Variants in FAM133A observed in about 807,000 individuals in gnomAD.
FAM133A encodes family with sequence similarity 133 member A, also known as protein FAM133A.
For synonymous variants in FAM133A, 65 were observed against 58.6 expected (o/e 1.11, Z -0.50); for missense variants, 159 against 164.4 (o/e 0.97, Z 0.18).
rs1927253415 is a variant in FAM133A at position 93,709,342 on chromosome X, A to T, written c.-78A>T. ...AATGGAGCTTGCTTGATATTTCACT[A>T]GATAAAGAATTTAAGGCGAGTATCT... On this transcript the variant is annotated 5_prime_UTR_variant, in exon 4 of 4. Coordinates refer to ENST00000683942, the MANE Select transcript of FAM133A (RefSeq NM_001171109.2). The T allele has an allele frequency of 1.3e-5, 14 of 1,056,974 alleles. No homozygotes were observed. The highest frequency in any genetic ancestry group is 1.7e-5 in the Non-Finnish European group (14 of 819,127). The allele number at this position is 1,056,974 out of a possible 1,213,427, so 87.1% of individuals were successfully genotyped here. A position where few individuals can be genotyped will look rare whatever the true frequency, so the allele number is the denominator to read the frequency against.
rs139320292 is a variant in FAM133A, at chrX:93,695,470, C to G, written c.-192-2927C>G. ...GTTTCACCACGTTGGCCAGGCTGGTCTCGAACTCCTGGCCTCAGGTGATCT... is the reference window on the plus strand; with the variant it reads ...GTTTCACCACGTTGGCCAGGCTGGTGTCGAACTCCTGGCCTCAGGTGATCT... On this transcript the variant is annotated intron_variant, in intron 2 of 3. Transcript: ENST00000683942. Among the ~76,000 whole-genome samples, 593 of 108,134 alleles carry G rather than the reference C, an allele frequency of 5.5e-3. 3 individuals are homozygous for G. The highest frequency in any genetic ancestry group is 0.019 in the African/African-American group (573 of 29,750). The allele number at this position is 108,134 out of a possible 115,157, so 93.9% of individuals were successfully genotyped here.
chrX:93,688,372 C>G (rs1257024546), intron 2 of FAM133A, among the ~76,000 whole-genome samples: 1 of 110,727 alleles, frequency 9.0e-6, no homozygotes, highest in Non-Finnish European at 1.9e-5. Flanking sequence ...TTTCACTGGT[C>G]CCCGAATCAC....
chrX:93,696,925 GAAA>G (rs200154302), intron 2 of FAM133A, among the ~76,000 whole-genome samples: 2 of 94,864 alleles, frequency 2.1e-5, no homozygotes, highest in African/African-American at 4.1e-5. Flanking sequence ...GTCTCAAAAA[GAAA>G]AAAAAAAAAA....
intron 2 of FAM133A, among the ~76,000 whole-genome samples, chrX:93,684,009 T>C (rs184651677): frequency 3.5e-4 from 39 of 112,211 alleles, no homozygotes; most frequent in African/African-American, 1.2e-3. Context: ...TAGTTTGATA[T>C]AGTCCCATTT....
At position 93,697,458 on chromosome X, in the gene FAM133A, C is replaced by T. The variant is rs147095748; in HGVS notation, c.-192-939C>T. On this transcript the variant is annotated intron_variant, in intron 2 of 3. Coordinates refer to ENST00000683942, the MANE Select transcript of FAM133A (RefSeq NM_001171109.2). ...TGAGAAATGTTTACAATATTTAACC[C>T]GTTTGAAAATACCAAGAATAAATCC... Among the ~76,000 whole-genome samples the T allele has an allele frequency of 5.5e-3, 608 of 110,347 alleles. 3 individuals are homozygous for T. The highest frequency in any genetic ancestry group is 0.019 in the African/African-American group (586 of 30,465).
At chrX:93,692,171 A>G (rs944161272) in intron 2 of FAM133A, among the ~76,000 whole-genome samples, 2 of 111,814 alleles carry the variant, frequency 1.8e-5, no homozygotes, top group Non-Finnish European at 3.8e-5. Flanking sequence ...CCTAATCAAA[A>G]ATTCAAAATC....
intron 3 of FAM133A, among the ~76,000 whole-genome samples, chrX:93,703,593 T>C (rs779261252): frequency 1.1e-3 from 125 of 112,594 alleles, no homozygotes; most frequent in South Asian, 2.2e-3. Context: ...TATCACTTGA[T>C]TGGCATAAAA....
chrX:93,680,488 G>T (rs886850560), intron 2 of FAM133A, among the ~76,000 whole-genome samples: 1 of 111,003 alleles, frequency 9.0e-6, no homozygotes, highest in African/African-American at 3.3e-5. Flanking sequence ...TCATATGGTA[G>T]TTCCATTCTT....
At chrX:93,699,093 C>A (rs1201415721) in intron 3 of FAM133A, among the ~76,000 whole-genome samples, 4 of 111,097 alleles carry the variant, frequency 3.6e-5, no homozygotes, top group Non-Finnish European at 7.6e-5. Context: ...AAGAAAGAAG[C>A]TACTGAGCTT....
chrX:93,689,699 C>T (rs913470364), intron 2 of FAM133A, among the ~76,000 whole-genome samples: 1 of 109,494 alleles, frequency 9.1e-6, no homozygotes, highest in African/African-American at 3.3e-5. Context: ...TTTAAAGACA[C>T]TACAAGTTTT....
intron 3 of FAM133A, among the ~76,000 whole-genome samples, chrX:93,703,500 G>T (rs1926854880): frequency 9.0e-6 from 1 of 111,485 alleles, no homozygotes; most frequent in African/African-American, 3.3e-5. Context: ...TAGATGCAGG[G>T]GATACAGGAA....
intron 2 of FAM133A, among the ~76,000 whole-genome samples, chrX:93,694,717 T>C (rs183261674): frequency 1.0e-3 from 116 of 111,016 alleles, no homozygotes; most frequent in African/African-American, 3.7e-3. Flanking sequence ...CTAGTCCCTA[T>C]CTCAATGATG....
At chrX:93,689,763 A>G (rs1289016369) in intron 2 of FAM133A, among the ~76,000 whole-genome samples, 1 of 111,620 alleles carries the variant, frequency 9.0e-6, no homozygotes, top group Non-Finnish European at 1.9e-5. Context: ...TTTAGCACCT[A>G]TGCATAAGGA....
chrX:93,681,458 T>C (rs780613865), intron 2 of FAM133A, among the ~76,000 whole-genome samples: 6 of 111,580 alleles, frequency 5.4e-5, no homozygotes, highest in Non-Finnish European at 1.1e-4. Flanking sequence ...AAAAAAGTAG[T>C]TGTTCTCCAT....
intron 2 of FAM133A, among the ~76,000 whole-genome samples, chrX:93,685,319 A>G (rs776052864): frequency 2.4e-4 from 27 of 111,688 alleles, no homozygotes; most frequent in African/African-American, 8.4e-4. Flanking sequence ...ACTTGAGCCA[A>G]TTTCTACAAA....
chrX:93,674,902 T>G (rs939650814), intron 2 of FAM133A, 150 bp downstream of exon 2: 3 of 111,669 alleles, frequency 2.7e-5, no homozygotes, highest in Non-Finnish European at 5.7e-5. Flanking sequence ...CAGAGGTAAT[T>G]TGGCATACTA....
chrX:93,699,720 A>G (rs1926559843), intron 3 of FAM133A, among the ~76,000 whole-genome samples: 1 of 110,566 alleles, frequency 9.0e-6, no homozygotes, highest in Admixed American at 9.7e-5. Context: ...ATAATTTGAA[A>G]GTAAGTTACA....
At chrX:93,699,389 TTCA>T (rs1926535695) in intron 3 of FAM133A, among the ~76,000 whole-genome samples, 1 of 111,196 alleles carries the variant, frequency 9.0e-6, no homozygotes, top group South Asian at 3.8e-4. Flanking sequence ...TATCTGCAGC[TTCA>T]TCATCAATTA....
At chrX:93,705,641 T>C (rs1398540274) in intron 3 of FAM133A, among the ~76,000 whole-genome samples, 1 of 111,208 alleles carries the variant, frequency 9.0e-6, no homozygotes, top group Non-Finnish European at 1.9e-5. Context: ...TACTTCATCT[T>C]TCTCCCTTTT....
Sources: allele counts gnomAD v4.1 joint callset (sites outside exome capture counted in the v4.1 genomes callset), GRCh38; gene constraint gnomAD v4.1.1; transcripts MANE v1.5; gene names NCBI Gene and HGNC (gene_info 2026-07-23, HGNC 2026-07-21).